The following GRIA1 variants were observed in gnomAD, a reference collection of about 807,000 sequenced individuals.
The protein encoded by GRIA1 is glutamate receptor 1.
Under a neutral mutation model 99.2 loss-of-function variants are expected in GRIA1, and 31 were observed. That is an observed-to-expected ratio of 0.31 (90% confidence interval 0.23 to 0.42). The LOEUF is 0.42. Ranked by LOEUF, GRIA1 falls within the 10% of genes least tolerant of loss-of-function variation. GRIA1 has a pLI of 1.00. For synonymous variants in GRIA1, 438 were observed against 432.4 expected (o/e 1.01, Z -0.16); for missense variants, 782 against 1,157.5 (o/e 0.68, Z 4.71).
intron 5 of GRIA1, among the ~76,000 whole-genome samples, chr5:153,661,734 T>A (rs1373213340): frequency 1.2e-4 from 18 of 152,234 alleles, no homozygotes. Flanking sequence ...ATATCAAATG[T>A]ACTTAAAGGC....
At chr5:153,761,528 C>T (rs1763180673) in intron 11 of GRIA1, among the ~76,000 whole-genome samples, 1 of 151,988 alleles carries the variant, frequency 6.6e-6, no homozygotes, top group African/African-American at 2.4e-5. Context: ...CAAATGCTAG[C>T]AAGGGTGTGA....
intron 2 of GRIA1, 134 bp from the exon 3 acceptor site, chr5:153,646,794 T>A (rs1455037490): frequency 2.2e-6 from 2 of 909,016 alleles, no homozygotes; most frequent in African/African-American, 3.3e-5. Flanking sequence ...GTTTGTTGGA[T>A]GGGTAGATGG....
intron 11 of GRIA1, among the ~76,000 whole-genome samples, chr5:153,754,882 A>G (rs1044582708): frequency 6.6e-6 from 1 of 152,198 alleles, no homozygotes; most frequent in African/African-American, 2.4e-5. Flanking sequence ...GTGTAAGGGA[A>G]AAAAGACAAT....
intron 3 of GRIA1, among the ~76,000 whole-genome samples, chr5:153,648,992 A>C (rs1754351973): frequency 6.6e-6 from 1 of 152,180 alleles, no homozygotes; most frequent in African/African-American, 2.4e-5. Flanking sequence ...GGGGGGACAC[A>C]ATGTAATCAC....
Position 153,766,071 on chromosome 5 carries a change from TG to T in GRIA1, c.2022+1440del, listed in dbSNP as rs201779001. On this transcript the variant is annotated intron_variant, in intron 12 of 15. Coordinates refer to ENST00000285900, the MANE Select transcript of GRIA1 (RefSeq NM_000827.4). ...CACTGTGGGAGATGCTGCAGGTTCT[TG>T]ACCATGGGCTTTGTATTCTGTATGA... 4.1e-3 allele frequency among the ~76,000 whole-genome samples: 617 copies of T among 152,320 alleles called. 2 individuals are homozygous for T. The highest frequency in any genetic ancestry group is 0.014 in the African/African-American group (577 of 41,564).
At chr5:153,579,113 A>G (rs996949954) in intron 2 of GRIA1, among the ~76,000 whole-genome samples, 1 of 152,142 alleles carries the variant, frequency 6.6e-6, no homozygotes, top group Non-Finnish European at 1.5e-5. Flanking sequence ...CAATATGAAA[A>G]TGCTTTATAA....
At chr5:153,802,296 T>C (rs925297435) in intron 14 of GRIA1, 60 bp from the exon 15 acceptor site, 26 of 1,517,804 alleles carry the variant, frequency 1.7e-5, no homozygotes, top group Non-Finnish European at 2.1e-5. Context: ...GGATGGTCTT[T>C]AGCCTCTTGA....
chr5:153,674,717 A>G lies in GRIA1; in HGVS notation c.861+56A>G, dbSNP rs960417809. The G allele has an allele frequency of 2.6e-6, 4 of 1,551,502 alleles. No individual in the cohort carries two copies. The African/African-American group carries it at 4.1e-5, about 16-fold the overall frequency. On this transcript the variant is annotated intron_variant, in intron 6 of 15. Coordinates refer to ENST00000285900, the MANE Select transcript of GRIA1 (RefSeq NM_000827.4). ...CCAGCCTGGTCCCTTTGCCTGCCCC[A>G]GATTTCTGAGCTGCATTAGTCTTTA...
At chr5:153,579,709 A>G (rs953709937) in intron 2 of GRIA1, among the ~76,000 whole-genome samples, 1 of 152,156 alleles carries the variant, frequency 6.6e-6, no homozygotes. Flanking sequence ...ATGCAGAGGT[A>G]GAGTAGGAGT....
At chr5:153,715,521 A>G (rs1259347218) in intron 11 of GRIA1, among the ~76,000 whole-genome samples, 2 of 152,094 alleles carry the variant, frequency 1.3e-5, no homozygotes, top group Non-Finnish European at 2.9e-5. Context: ...TCCTACATCC[A>G]GTTTCCACTT....
chr5:153,631,291 C>A (rs888647652), intron 2 of GRIA1, among the ~76,000 whole-genome samples: 1 of 152,200 alleles, frequency 6.6e-6, no homozygotes, highest in African/African-American at 2.4e-5. Flanking sequence ...CCCACTCATG[C>A]CCCTGGTGAG....
chr5:153,731,202 CTCTCTCTTTCTCTCTG>C (rs896577000), intron 11 of GRIA1, among the ~76,000 whole-genome samples: 8 of 151,844 alleles, frequency 5.3e-5, no homozygotes, highest in African/African-American at 1.9e-4. Flanking sequence ...TTCTTTCTCT[CTCTCTCTTTCTCTCTG>C]TCTCTCTTTC....
chr5:153,770,859 C>G (rs1157890484), intron 13 of GRIA1, among the ~76,000 whole-genome samples: 1 of 152,182 alleles, frequency 6.6e-6, no homozygotes, highest in Non-Finnish European at 1.5e-5. Context: ...AATGAAAAAT[C>G]AAATCTTTCG....
At chr5:153,653,324 C>A (rs746385003) in intron 4 of GRIA1, among the ~76,000 whole-genome samples, 1 of 152,082 alleles carries the variant, frequency 6.6e-6, no homozygotes, top group Non-Finnish European at 1.5e-5. Context: ...CATGTGAGGG[C>A]TGGGTTTCAT....
At chr5:153,538,840 G>A (rs1267914569) in intron 2 of GRIA1, among the ~76,000 whole-genome samples, 1 of 152,120 alleles carries the variant, frequency 6.6e-6, no homozygotes, top group African/African-American at 2.4e-5. Context: ...GGTATCATTT[G>A]TCCTCATTCC....
chr5:153,694,731 G>C (rs1346638387), intron 8 of GRIA1, among the ~76,000 whole-genome samples: 1 of 152,184 alleles, frequency 6.6e-6, no homozygotes, highest in Non-Finnish European at 1.5e-5. Flanking sequence ...CCAAGATCTT[G>C]ACCACTGGGC....
At chr5:153,724,824 C>A (rs1489385725) in intron 11 of GRIA1, among the ~76,000 whole-genome samples, 4 of 152,196 alleles carry the variant, frequency 2.6e-5, no homozygotes, top group African/African-American at 9.7e-5. Context: ...AAACACTCTG[C>A]AGGATATTAT....
chr5:153,554,311 C>T (rs1458653852), intron 2 of GRIA1, among the ~76,000 whole-genome samples: 1 of 152,132 alleles, frequency 6.6e-6, no homozygotes, highest in African/African-American at 2.4e-5. Context: ...CTTCTCTGAG[C>T]TGAAAATGCT....
chr5:153,614,627 C>T (rs572266699), intron 2 of GRIA1, among the ~76,000 whole-genome samples: 4 of 152,304 alleles, frequency 2.6e-5, no homozygotes, highest in Middle Eastern at 6.8e-3. Flanking sequence ...CTGTTAAGCA[C>T]TTCATTAATA....
Sources: allele counts gnomAD v4.1 joint callset (sites outside exome capture counted in the v4.1 genomes callset), GRCh38; gene constraint gnomAD v4.1.1; transcripts MANE v1.5; gene names NCBI Gene and HGNC (gene_info 2026-07-23, HGNC 2026-07-21).